CDK6: variants seen among roughly 807,000 people sequenced by gnomAD.
CDK6 encodes cyclin-dependent kinase 6.
In CDK6, 6 loss-of-function variants were observed where a neutral mutation model predicts 37.1. The ratio of observed to expected loss-of-function variants is 0.16; its 90% CI spans 0.09 to 0.32. The LOEUF is 0.32. CDK6 is among the 10% of genes least tolerant of loss of function. The probability of loss-of-function intolerance (pLI) is 1.00; values close to 1 mark genes in which losing one functional copy is unlikely to be tolerated. For synonymous variants in CDK6, 160 were observed against 161.3 expected, an observed-to-expected ratio of 0.99 and a Z score of 0.06; for missense variants, 224 against 418.9, an observed-to-expected ratio of 0.53 and a Z score of 4.06.
intron 4 of CDK6, among the ~76,000 whole-genome samples, chr7:92,683,225 G>A (rs1365405345): frequency 1.3e-5 from 2 of 152,030 alleles, no homozygotes; most frequent in African/African-American, 4.8e-5. Context: ...AAATCTATTT[G>A]CTTTGAGAGG....
chr7:92,784,361 A>G (rs561796304), intron 2 of CDK6, among the ~76,000 whole-genome samples: 220 of 152,240 alleles, frequency 1.4e-3, no homozygotes, highest in South Asian at 8.7e-3. Flanking sequence ...AACACAGCCA[A>G]CTCTACAAAA....
chr7:92,659,891 A>G (rs924280487), intron 5 of CDK6, among the ~76,000 whole-genome samples: 1 of 152,166 alleles, frequency 6.6e-6, no homozygotes, highest in African/African-American at 2.4e-5. Flanking sequence ...AAATCTCAGA[A>G]GCCCAATATA....
chr7:92,618,791 A>G (rs1327742695), intron 6 of CDK6, among the ~76,000 whole-genome samples: 1 of 152,238 alleles, frequency 6.6e-6, no homozygotes, highest in Non-Finnish European at 1.5e-5. Flanking sequence ...ACATGATTTT[A>G]TAAAAGGAAG....
intron 4 of CDK6, among the ~76,000 whole-genome samples, chr7:92,704,485 C>T (rs771033097): frequency 2.0e-5 from 3 of 152,114 alleles, no homozygotes; most frequent in Non-Finnish European, 4.4e-5. Flanking sequence ...CAACCACTAT[C>T]CTAAGTCTCA....
intron 3 of CDK6, among the ~76,000 whole-genome samples, chr7:92,745,469 C>A (rs1254652978): frequency 1.3e-5 from 2 of 152,108 alleles, no homozygotes; most frequent in African/African-American, 4.8e-5. Context: ...GTTTCAGGCA[C>A]GTGGGCAGGC....
chr7:92,641,186 T>C (rs1199716815), intron 5 of CDK6, among the ~76,000 whole-genome samples: 1 of 152,192 alleles, frequency 6.6e-6, no homozygotes, highest in Non-Finnish European at 1.5e-5. Context: ...AGTAAGTATC[T>C]TGTAAAGAGC....
At chr7:92,646,052 G>T (rs1350700112) in intron 5 of CDK6, among the ~76,000 whole-genome samples, 1 of 152,198 alleles carries the variant, frequency 6.6e-6, no homozygotes. Context: ...TGAATGCACT[G>T]CTATTTTTGT....
At chr7:92,748,462 CG>C (rs1163751278) in intron 3 of CDK6, among the ~76,000 whole-genome samples, 1 of 152,096 alleles carries the variant, frequency 6.6e-6, no homozygotes, top group Non-Finnish European at 1.5e-5. Flanking sequence ...AGCACATGGA[CG>C]TAACTAGAAA....
chr7:92,634,248 C>G (rs1030917625), intron 5 of CDK6, among the ~76,000 whole-genome samples: 1 of 152,030 alleles, frequency 6.6e-6, no homozygotes, highest in Admixed American at 6.6e-5. Flanking sequence ...CCATTTTTCC[C>G]CCATGAAATT....
chr7:92,612,005 GTTC>G lies in CDK6; in HGVS notation c.*3132_*3134del, dbSNP rs1795573320. The stretch of plus-strand genomic sequence containing the variant: ...AAAGTGGGAGGCTCCAACCCACTGG[GTTC>G]TTACAAGTGCTTAGAAATTGTATTT... On this transcript the variant is annotated 3_prime_UTR_variant, in exon 8 of 8. Transcript: ENST00000424848. 1 of 232,788 alleles carries G rather than the reference GTTC, an allele frequency of 4.3e-6. No individual in the cohort carries two copies. Among genetic ancestry groups the G allele is most frequent in the Non-Finnish European group, 8.5e-6 (1 of 117,794 alleles). 14.4% of individuals were successfully genotyped at this position (232,788 alleles called of 1,614,324 possible). A position where few individuals can be genotyped will look rare whatever the true frequency, so the allele number is the denominator to read the frequency against.
intron 5 of CDK6, among the ~76,000 whole-genome samples, chr7:92,635,199 C>G (rs1449830205): frequency 6.6e-6 from 1 of 152,144 alleles, no homozygotes; most frequent in Admixed American, 6.5e-5. Context: ...ATCCTAGCTC[C>G]CTAAAACACT....
At chr7:92,821,619 A>C (rs1445686074) in intron 2 of CDK6, among the ~76,000 whole-genome samples, 3 of 151,790 alleles carry the variant, frequency 2.0e-5, no homozygotes, top group African/African-American at 7.3e-5. Flanking sequence ...GGAACACCAC[A>C]ATTTTTTTTC....
At chr7:92,616,876 A>T (rs940036620) in intron 7 of CDK6, among the ~76,000 whole-genome samples, 1 of 152,144 alleles carries the variant, frequency 6.6e-6, no homozygotes, top group African/African-American at 2.4e-5. Context: ...AAGTCTTAAT[A>T]CATTTTGTCC....
rs188533168 is a variant in CDK6, at chr7:92,753,449, C to A, written c.369+21247G>T. ...ATTATTTTGAGAAATACTTTTATTTCTCAATTTTTAGATATACTTAAAATT... is the reference window on the plus strand; with the variant it reads ...ATTATTTTGAGAAATACTTTTATTTATCAATTTTTAGATATACTTAAAATT... On this transcript the variant is annotated intron_variant, in intron 3 of 7. Coordinates refer to ENST00000424848, the MANE Select transcript of CDK6 (RefSeq NM_001145306.2). 2.6e-5 allele frequency among the ~76,000 whole-genome samples: 4 copies of A among 152,260 alleles called. No homozygotes were observed. In the East Asian group the frequency reaches 7.7e-4, roughly 29 times the overall value.
intron 5 of CDK6, among the ~76,000 whole-genome samples, chr7:92,649,680 T>C (rs1238374200): frequency 6.6e-6 from 1 of 152,206 alleles, no homozygotes; most frequent in Middle Eastern, 3.2e-3. Flanking sequence ...AAAAGGAAAC[T>C]GAGGCACGGG....
chr7:92,678,927 C>T (rs1003915951), intron 4 of CDK6, among the ~76,000 whole-genome samples: 1 of 152,214 alleles, frequency 6.6e-6, no homozygotes, highest in Non-Finnish European at 1.5e-5. Context: ...TGTGTTGCCA[C>T]CACAAAGTCA....
At chr7:92,734,029 A>G (rs1169912127) in intron 3 of CDK6, among the ~76,000 whole-genome samples, 1 of 152,178 alleles carries the variant, frequency 6.6e-6, no homozygotes, top group African/African-American at 2.4e-5. Context: ...TATGATTATG[A>G]ACTGACTTCA....
intron 3 of CDK6, among the ~76,000 whole-genome samples, chr7:92,731,065 C>A (rs1798635947): frequency 6.7e-6 from 1 of 149,794 alleles, no homozygotes; most frequent in African/African-American, 2.5e-5. Context: ...GAGATTCCAC[C>A]CACTTTTGTC....
At chr7:92,690,032 A>C (rs891872176) in intron 4 of CDK6, among the ~76,000 whole-genome samples, 12 of 151,852 alleles carry the variant, frequency 7.9e-5, no homozygotes, top group African/African-American at 2.9e-4. Context: ...CCTTTGTTGG[A>C]TGCACAGTTT....
Sources: gnomAD v4.1 joint callset for allele counts (sites outside exome capture counted in the v4.1 genomes callset) on GRCh38, gnomAD v4.1.1 for gene constraint, MANE v1.5 for transcripts, NCBI Gene and HGNC (gene_info 2026-07-23, HGNC 2026-07-21) for gene names.